The following GRM8 variants were observed in gnomAD, a reference collection of about 807,000 sequenced individuals.
GRM8 encodes the protein glutamate metabotropic receptor 8, also known as metabotropic glutamate receptor 8.
A neutral mutation model predicts 87.2 loss-of-function variants in GRM8; 47 were observed. The ratio of observed to expected loss-of-function variants is 0.54; its 90% CI spans 0.43 to 0.69. GRM8 has a LOEUF of 0.69. Ranked by LOEUF, GRM8 falls within the 30% of genes least tolerant of loss-of-function variation. The pLI is 0.00. For synonymous variants in GRM8, 396 were observed against 404.5 expected (o/e 0.98, Z 0.25); for missense variants, 1,019 against 1,139.2 (o/e 0.89, Z 1.52).
intron 2 of GRM8, among the ~76,000 whole-genome samples, chr7:127,175,901 T>G (rs1018114163): frequency 6.6e-6 from 1 of 152,134 alleles, no homozygotes; most frequent in African/African-American, 2.4e-5. Flanking sequence ...CTCAAATCTA[T>G]GTAAAGGAAA....
At chr7:127,098,190 G>A (rs17867047) in intron 3 of GRM8, among the ~76,000 whole-genome samples, 1,754 of 152,198 alleles carry the variant, frequency 0.012, 37 homozygotes, top group African/African-American at 0.039. Flanking sequence ...TCAAAATGTG[G>A]TGTTATCAAT....
At chr7:126,495,929 C>G (rs1464097021) in intron 9 of GRM8, among the ~76,000 whole-genome samples, 1 of 151,962 alleles carries the variant, frequency 6.6e-6, no homozygotes, top group Non-Finnish European at 1.5e-5. Context: ...TGCACAGTAA[C>G]TGTTGGTAGA....
chr7:126,707,824 A>T (rs1810692406), intron 7 of GRM8, among the ~76,000 whole-genome samples: 6 of 152,184 alleles, frequency 3.9e-5, no homozygotes, highest in Admixed American at 3.9e-4. Context: ...AATCTCCTTG[A>T]CATTGGTCTT....
intron 3 of GRM8, among the ~76,000 whole-genome samples, chr7:127,015,181 GAAGAAGA>G (rs2132152006): frequency 2.6e-5 from 1 of 38,210 alleles, no homozygotes; most frequent in East Asian, 1.1e-3. Context: ...AGAAGGAGAA[GAAGAAGA>G]AGAAGAAGAA....
intron 3 of GRM8, among the ~76,000 whole-genome samples, chr7:126,907,570 AC>A (rs1315947214): frequency 5.9e-5 from 9 of 152,058 alleles, no homozygotes; most frequent in Non-Finnish European, 1.3e-4. Context: ...GGAGTGGGCA[AC>A]AAAAATGAGA....
chr7:127,235,136 C>T (rs1349760195), intron 2 of GRM8, among the ~76,000 whole-genome samples: 1 of 152,212 alleles, frequency 6.6e-6, no homozygotes, highest in African/African-American at 2.4e-5. Context: ...ACTTTTCAAA[C>T]AACCTCATTA....
chr7:126,951,070 TA>T (rs1217189307), intron 3 of GRM8, among the ~76,000 whole-genome samples: 1 of 152,080 alleles, frequency 6.6e-6, no homozygotes, highest in Non-Finnish European at 1.5e-5. Flanking sequence ...AATAATGCTG[TA>T]AAAAAGATTA....
At chr7:127,223,936 A>G (rs1237111769) in intron 2 of GRM8, among the ~76,000 whole-genome samples, 5 of 149,186 alleles carry the variant, frequency 3.4e-5, no homozygotes, top group African/African-American at 9.8e-5. Context: ...AAAAAACTCA[A>G]TGGATGGGTT....
intron 3 of GRM8, among the ~76,000 whole-genome samples, chr7:127,078,559 G>T (rs563076253): frequency 5.3e-5 from 8 of 152,158 alleles, no homozygotes; most frequent in African/African-American, 1.9e-4. Context: ...GATGATGCAC[G>T]GTACAGCCTT....
intron 2 of GRM8, among the ~76,000 whole-genome samples, chr7:127,121,925 C>A (rs1269333989): frequency 6.6e-6 from 1 of 152,090 alleles, no homozygotes; most frequent in Non-Finnish European, 1.5e-5. Context: ...GTAGCCTTGG[C>A]AACTGAAGGC....
At chr7:126,877,087 T>C (rs1360107467) in intron 6 of GRM8, among the ~76,000 whole-genome samples, 1 of 152,206 alleles carries the variant, frequency 6.6e-6, no homozygotes, top group Non-Finnish European at 1.5e-5. Flanking sequence ...AACAAATTTT[T>C]TTCCCATACC....
At chr7:126,778,097 G>T (rs1819658141) in intron 6 of GRM8, among the ~76,000 whole-genome samples, 1 of 152,152 alleles carries the variant, frequency 6.6e-6, no homozygotes, top group South Asian at 2.1e-4. Flanking sequence ...AGAGACAGAT[G>T]TATTGGACTA....
chr7:127,060,497 T>C (rs979068927), intron 3 of GRM8, among the ~76,000 whole-genome samples: 3 of 152,164 alleles, frequency 2.0e-5, no homozygotes, highest in Non-Finnish European at 2.9e-5. Flanking sequence ...ATGAATAGGA[T>C]AGTAAGAAAC....
At chr7:126,743,294 A>C (rs1460133207) in intron 7 of GRM8, among the ~76,000 whole-genome samples, 2 of 152,162 alleles carry the variant, frequency 1.3e-5, no homozygotes, top group African/African-American at 4.8e-5. Context: ...ATGTGCTATA[A>C]TGCAGATCCA....
chr7:126,828,329 A>G (rs1795021900), intron 6 of GRM8, among the ~76,000 whole-genome samples: 1 of 152,138 alleles, frequency 6.6e-6, no homozygotes, highest in Non-Finnish European at 1.5e-5. Context: ...TCGGCTGTGA[A>G]TCCATCTGGT....
chr7:126,502,965 T>C (rs1473967563), intron 9 of GRM8, among the ~76,000 whole-genome samples: 1 of 152,024 alleles, frequency 6.6e-6, no homozygotes, highest in Non-Finnish European at 1.5e-5. Context: ...AGCACAGGAA[T>C]GATCATGAGT....
chr7:126,799,730 G>T (rs993045658), intron 6 of GRM8, among the ~76,000 whole-genome samples: 1 of 152,162 alleles, frequency 6.6e-6, no homozygotes, highest in African/African-American at 2.4e-5. Flanking sequence ...AGTGGCTGAA[G>T]TGTGGCAGGC....
chr7:126,598,069 CT>C (rs1370462611), intron 8 of GRM8, among the ~76,000 whole-genome samples: 1 of 152,008 alleles, frequency 6.6e-6, no homozygotes, highest in African/African-American at 2.4e-5. Context: ...CTTAATTCCC[CT>C]CCCCCACTCC....
At chr7:126,714,278 AAATAATAATAATAATAAT>A (rs143180604) in intron 7 of GRM8, among the ~76,000 whole-genome samples, 47 of 137,046 alleles carry the variant, frequency 3.4e-4, no homozygotes, top group African/African-American at 9.3e-4. Flanking sequence ...ACTCCATCTC[AAATAATAATAATAATAAT>A]AATAATAATA....
Sources: gnomAD v4.1 joint callset for allele counts (sites outside exome capture counted in the v4.1 genomes callset) on GRCh38, gnomAD v4.1.1 for gene constraint, MANE v1.5 for transcripts, NCBI Gene and HGNC (gene_info 2026-07-23, HGNC 2026-07-21) for gene names.